Variants in EARS2 observed in about 807,000 individuals in gnomAD.
EARS2 encodes the protein glutamyl-tRNA synthetase 2, mitochondrial, also known as nondiscriminating glutamyl-tRNA synthetase EARS2, mitochondrial.
In EARS2, 50 loss-of-function variants were observed where a neutral mutation model predicts 54.1. That is an observed-to-expected ratio of 0.92 (90% CI 0.74 to 1.17). EARS2 has a LOEUF of 1.17. Among genes scored for constraint, EARS2 ranks in the 50% most tolerant of loss-of-function variants. The pLI is 0.00. For synonymous variants in EARS2, 298 were observed against 281.0 expected (o/e 1.06, Z -0.61); for missense variants, 673 against 675.0 (o/e 1.00, Z 0.03).
intron 2 of EARS2, among the ~76,000 whole-genome samples, chr16:23,545,881 A>C (rs1965595631): frequency 6.6e-6 from 1 of 152,142 alleles, no homozygotes; most frequent in Non-Finnish European, 1.5e-5. Context: ...AGGGTGCAGT[A>C]GTGCAATCAT....
At chr16:23,533,876 T>C (rs1965367752) in intron 4 of EARS2, among the ~76,000 whole-genome samples, 1 of 152,086 alleles carries the variant, frequency 6.6e-6, no homozygotes, top group South Asian at 2.1e-4. Flanking sequence ...GACAACATGG[T>C]GAAACCCCAT....
At chr16:23,543,364 A>G (rs1965547359) in intron 3 of EARS2, among the ~76,000 whole-genome samples, 1 of 151,746 alleles carries the variant, frequency 6.6e-6, no homozygotes, top group South Asian at 2.1e-4. Context: ...GTGAGCCAAC[A>G]TCACACCATT....
At chr16:23,540,359 T>G (rs1965492502) in intron 3 of EARS2, among the ~76,000 whole-genome samples, 1 of 152,116 alleles carries the variant, frequency 6.6e-6, no homozygotes. Flanking sequence ...TTGTTTATAA[T>G]AAAAAGGCAA....
intron 2 of EARS2, among the ~76,000 whole-genome samples, chr16:23,550,371 A>G (rs1259377626): frequency 2.0e-5 from 3 of 150,256 alleles, no homozygotes; most frequent in Admixed American, 1.3e-4. Context: ...TGTTTGTTAA[A>G]AAAAAAAAAA....
rs1434777128 is a variant in EARS2 at position 23,532,773 on chromosome 16, G to A, written c.959-8C>T. 1 of 1,604,898 alleles carries A rather than the reference G, an allele frequency of 6.2e-7. No individual in the cohort carries two copies. On this transcript the variant is annotated splice_region_variant and splice_polypyrimidine_tract_variant and intron_variant, in intron 4 of 8. Transcript: ENST00000449606. ...TCCTGCCCATTTGGTTCTCTGCAAAGAAGAGAGGCCCAGCCACTCAGCTTC... is the reference window on the plus strand; with the variant it reads ...TCCTGCCCATTTGGTTCTCTGCAAAAAAGAGAGGCCCAGCCACTCAGCTTC...
At chr16:23,540,397 C>T (rs779293614) in intron 3 of EARS2, among the ~76,000 whole-genome samples, 1 of 152,162 alleles carries the variant, frequency 6.6e-6, no homozygotes, top group African/African-American at 2.4e-5. Flanking sequence ...TGACCTTGGC[C>T]AAACAGCTGA....
In EARS2 at chr16:23,525,458, T is replaced by C. The variant is rs1018834573; in HGVS notation, c.1353-79A>G. 6.8e-6 allele frequency: 10 copies of C among 1,469,792 alleles called. No homozygotes were observed. In the East Asian group the frequency reaches 1.6e-4, roughly 23 times the overall value. The allele number at this position is 1,469,792 out of a possible 1,614,324, so 91.0% of individuals were successfully genotyped here. On this transcript the variant is annotated intron_variant, in intron 7 of 8. Coordinates refer to ENST00000449606, the MANE Select transcript of EARS2 (RefSeq NM_001083614.2). Reference sequence around the variant, plus strand: ...GGGAGGAAGGGCTTCAGAAGGTTATTGATCAGCTACAGTACGAGCAGCACA... The same window carrying C: ...GGGAGGAAGGGCTTCAGAAGGTTATCGATCAGCTACAGTACGAGCAGCACA...
intron 5 of EARS2, among the ~76,000 whole-genome samples, chr16:23,531,260 GTTTC>G (rs924904343): frequency 4.6e-5 from 7 of 151,390 alleles, no homozygotes; most frequent in South Asian, 2.1e-4. Flanking sequence ...ACTTTGGCTA[GTTTC>G]TTTCTTTTTT....
chr16:23,529,006 C>G (rs983649569), intron 7 of EARS2, among the ~76,000 whole-genome samples: 1 of 152,210 alleles, frequency 6.6e-6, no homozygotes, highest in Non-Finnish European at 1.5e-5. Context: ...GAAAGCGAAT[C>G]TTGGTAATGG....
At chr16:23,537,680 C>G (rs1965443769) in intron 3 of EARS2, 2 of 152,144 alleles carry the variant, frequency 1.3e-5, no homozygotes, top group Non-Finnish European at 2.9e-5. Flanking sequence ...TCATGTGATT[C>G]TCTCATCTCA....
rs536892321 is a variant in EARS2 at position 23,535,763 on chromosome 16, G to A, written c.486-403C>T. 4.5e-4 allele frequency among the ~76,000 whole-genome samples: 68 copies of A among 152,240 alleles called. 1 individual carries two copies. Among genetic ancestry groups the A allele is most frequent in the African/African-American group, 1.5e-3 (63 of 41,542 alleles). On this transcript the variant is annotated intron_variant, in intron 3 of 8. Transcript: ENST00000449606. ...GGAGTAAGAAAGGTTTAAGGTTCCGGGAAAGGTTTTTCTCTCCAAAGGACA... is the reference window on the plus strand; with the variant it reads ...GGAGTAAGAAAGGTTTAAGGTTCCGAGAAAGGTTTTTCTCTCCAAAGGACA...
At chr16:23,545,445 G>C (rs992771967) in intron 2 of EARS2, among the ~76,000 whole-genome samples, 1 of 152,158 alleles carries the variant, frequency 6.6e-6, no homozygotes, top group African/African-American at 2.4e-5. Context: ...CAACGTGTGA[G>C]CACCAGGGTG....
intron 1 of EARS2, 48 bp downstream of exon 1, chr16:23,557,157 G>C (rs1190342061): frequency 6.7e-7 from 1 of 1,500,962 alleles, no homozygotes; most frequent in East Asian, 2.3e-5. Context: ...GTGGGGCGGA[G>C]ACGGGACAGG....
chr16:23,521,390 CTTTAT>C lies in EARS2; in HGVS notation c.*2976_*2980del, dbSNP rs1965140808. The stretch of plus-strand genomic sequence containing the variant: ...AATCTTACAGTATCTATCCTTTTAA[CTTTAT>C]TTTATTCATTTTTTTTTTTTTAGAC... On this transcript the variant is annotated 3_prime_UTR_variant, in exon 9 of 9. Transcript: ENST00000449606. 6.6e-6 allele frequency among the ~76,000 whole-genome samples: 1 copy of C among 151,752 alleles called. No homozygotes were observed. Among genetic ancestry groups the C allele is most frequent in the Non-Finnish European group, 1.5e-5 (1 of 67,942 alleles).
intron 3 of EARS2, among the ~76,000 whole-genome samples, chr16:23,541,796 C>T (rs531970822): frequency 2.7e-5 from 4 of 149,922 alleles, no homozygotes; most frequent in African/African-American, 7.4e-5. Context: ...TGGGTTCATG[C>T]GATTCTAGTG....
chr16:23,533,766 A>T (rs1045217340), intron 4 of EARS2, among the ~76,000 whole-genome samples: 2 of 152,088 alleles, frequency 1.3e-5, no homozygotes, highest in African/African-American at 4.8e-5. Context: ...ATCAAGAGTT[A>T]AGAACCAGGC....
At chr16:23,529,475 C>G in intron 7 of EARS2, 27 bp downstream of exon 7, 1 of 1,608,768 alleles carries the variant, frequency 6.2e-7, no homozygotes, top group Non-Finnish European at 8.5e-7. Context: ...GGGTGTGGAA[C>G]CCTGAGCTCA....
upstream of EARS2, chr16:23,557,365 G>A (rs2234425): frequency 6.5e-7 from 1 of 1,537,690 alleles, no homozygotes; most frequent in Non-Finnish European, 8.7e-7. Flanking sequence ...TAGCACACGT[G>A]GGCTTCTCCC....
intron 3 of EARS2, among the ~76,000 whole-genome samples, chr16:23,543,479 G>C (rs1158293669): frequency 1.3e-5 from 2 of 151,608 alleles, no homozygotes; most frequent in Non-Finnish European, 2.9e-5. Flanking sequence ...TGGGCACGGT[G>C]GTTTACGCCT....
Sources: allele counts gnomAD v4.1 joint callset (sites outside exome capture counted in the v4.1 genomes callset), GRCh38; gene constraint gnomAD v4.1.1; transcripts MANE v1.5; gene names NCBI Gene and HGNC (gene_info 2026-07-23, HGNC 2026-07-21).